PWP1: variants seen among roughly 807,000 people sequenced by gnomAD.
The protein encoded by PWP1 is periodic tryptophan protein 1 homolog.
A neutral mutation model predicts 69.9 loss-of-function variants in PWP1; 47 were observed. That is an observed-to-expected ratio of 0.67 (90% CI 0.53 to 0.86). PWP1 has a LOEUF of 0.86. Ranked by LOEUF, PWP1 falls within the 40% of genes least tolerant of loss-of-function variation. PWP1 has a pLI of 0.00. For synonymous variants in PWP1, 222 were observed against 208.2 expected, an observed-to-expected ratio of 1.07 and a Z score of -0.57; for missense variants, 551 against 608.8, an observed-to-expected ratio of 0.91 and a Z score of 1.00.
intron 12 of PWP1, 37 bp from the exon 13 acceptor site, chr12:107,709,074 T>C: frequency 6.2e-7 from 1 of 1,613,756 alleles, no homozygotes; most frequent in East Asian, 2.2e-5. Flanking sequence ...TAAATCTGTA[T>C]TTCAAAGCGA....
intron 3 of PWP1, among the ~76,000 whole-genome samples, chr12:107,691,132 G>T (rs1324837121): frequency 6.6e-6 from 1 of 152,246 alleles, no homozygotes; most frequent in African/African-American, 2.4e-5. Flanking sequence ...ACTGAGCCAA[G>T]TAAGAGGAAG....
chr12:107,706,173 TC>T (rs1480336910), intron 11 of PWP1, among the ~76,000 whole-genome samples: 1 of 152,264 alleles, frequency 6.6e-6, no homozygotes, highest in African/African-American at 2.4e-5. Context: ...TTTTCATGTG[TC>T]TGTTGGCTGC....
chr12:107,693,937 A>C (rs541015308), intron 5 of PWP1, among the ~76,000 whole-genome samples: 7 of 152,158 alleles, frequency 4.6e-5, no homozygotes, highest in Non-Finnish European at 1.0e-4. Flanking sequence ...ATTCAACACA[A>C]AGGGCCACGT....
Position 107,709,128 on chromosome 12 carries a change from C to A in PWP1, c.1186C>A (p.Gln396Lys). 1 of 1,613,850 alleles carries A rather than the reference C, an allele frequency of 6.2e-7. No individual in the cohort carries two copies. Among genetic ancestry groups the A allele is most frequent in the South Asian group, 1.1e-5 (1 of 91,044 alleles). Residue 396 changes from glutamine (Q) to lysine (K), a missense_variant, in exon 13 of 15, where the codon CAA becomes AAA. By Grantham distance (53) the Gln-to-Lys change is moderately conservative. Coordinates refer to ENST00000412830, the MANE Select transcript of PWP1 (RefSeq NM_007062.3). ...TCCTTTAGGTCTTGATCTTAGCAGTCAAATCAAGGGCTGTCTCGTGACTGC... is the reference window on the plus strand; with the variant it reads ...TCCTTTAGGTCTTGATCTTAGCAGTAAAATCAAGGGCTGTCTCGTGACTGC... The part of the protein sequence containing the change: ...DEISGLDLSS[Q>K]IKGCLVTASA...
At chr12:107,687,893 T>G (rs1294483723) in intron 1 of PWP1, among the ~76,000 whole-genome samples, 2 of 151,014 alleles carry the variant, frequency 1.3e-5, no homozygotes, top group African/African-American at 4.9e-5. Flanking sequence ...TAGCTGGGCG[T>G]GGTGGCGCGT....
rs764511041 is a variant in PWP1, at chr12:107,685,871, T to G, written c.-29T>G. 6.2e-7 allele frequency: 1 copy of G among 1,613,148 alleles called. No individual in the cohort carries two copies. Among genetic ancestry groups the G allele is most frequent in the Non-Finnish European group, 8.5e-7 (1 of 1,179,474 alleles). ...GTCCCTCCCTATGCAGCCTGGTTTCTAGCGTGACACGCCCTTGACTTGAGG... is the reference window on the plus strand; with the variant it reads ...GTCCCTCCCTATGCAGCCTGGTTTCGAGCGTGACACGCCCTTGACTTGAGG... On this transcript the variant is annotated 5_prime_UTR_variant, in exon 1 of 15. The change abolishes the stop of an existing upstream ORF in the 5' untranslated region. Coordinates refer to ENST00000412830, the MANE Select transcript of PWP1 (RefSeq NM_007062.3).
At chr12:107,709,455 C>T (rs1426175042) in intron 13 of PWP1, among the ~76,000 whole-genome samples, 1 of 150,570 alleles carries the variant, frequency 6.6e-6, no homozygotes, top group Non-Finnish European at 1.5e-5. Context: ...ACATGATTAA[C>T]AGTTGCTTGG....
In PWP1 at chr12:107,685,974, G is replaced by A; in HGVS notation, c.72+3G>A. On this transcript the variant is annotated splice_donor_region_variant and intron_variant, in intron 1 of 14. Coordinates refer to ENST00000412830, the MANE Select transcript of PWP1 (RefSeq NM_007062.3). The stretch of plus-strand genomic sequence containing the variant: ...TGGCCAAAGAGACACCAGACAAGGT[G>A]AGGCCTGGTCGCTGGGAGACAAGGG... 2 of 1,613,854 alleles carry A rather than the reference G, an allele frequency of 1.2e-6. No homozygotes were observed. Among genetic ancestry groups the A allele is most frequent in the Non-Finnish European group, 1.7e-6 (2 of 1,179,896 alleles).
At chr12:107,686,086 G>A in intron 1 of PWP1, 115 bp downstream of exon 1, 1 of 1,137,806 alleles carries the variant, frequency 8.8e-7, no homozygotes, top group African/African-American at 1.5e-5. Flanking sequence ...CGACTGGCTG[G>A]GGTGAGGGCG....
chr12:107,708,349 G>A (rs554002963), intron 11 of PWP1, among the ~76,000 whole-genome samples: 60 of 152,128 alleles, frequency 3.9e-4, no homozygotes, highest in Admixed American at 9.2e-4. Context: ...TGTACTGGCT[G>A]TTGCCCTTGG....
At chr12:107,707,031 A>G (rs1372080616) in intron 11 of PWP1, among the ~76,000 whole-genome samples, 4 of 152,116 alleles carry the variant, frequency 2.6e-5, no homozygotes, top group Non-Finnish European at 5.9e-5. Context: ...CCTATCCATG[A>G]GCATGGAATG....
Position 107,699,371 on chromosome 12 carries a change from A to G in PWP1, c.745-2A>G. The G allele has an allele frequency of 6.2e-7, 1 of 1,609,788 alleles. No homozygotes were observed. Among genetic ancestry groups the G allele is most frequent in the Non-Finnish European group, 8.5e-7 (1 of 1,176,844 alleles). On this transcript the variant is annotated splice_acceptor_variant, in intron 7 of 14. Transcript: ENST00000412830. LOFTEE classifies it high-confidence loss of function. ...AAAAAATAATTAAAACAATTATTAC[A>G]GAGTTCCTCAGCAGAAGGGCATACC...
intron 5 of PWP1, among the ~76,000 whole-genome samples, chr12:107,694,425 C>T (rs1268378102): frequency 6.6e-6 from 1 of 152,194 alleles, no homozygotes; most frequent in Non-Finnish European, 1.5e-5. Flanking sequence ...TTCTAGGTTG[C>T]TTCATCATGG....
intron 11 of PWP1, 123 bp from the exon 12 acceptor site, chr12:107,708,803 T>G: frequency 1.0e-5 from 9 of 864,010 alleles, no homozygotes. Context: ...TTTCTGTCCA[T>G]GTTAATTTTT....
rs373155062 is a variant in PWP1, at chr12:107,704,757, C to T, written c.1077+10C>T. ...ACCTTGTCATTTCTTGGTAAGAGTACGAATGTTGTTGTTTTGCTTTTCTAG... is the reference window on the plus strand; with the variant it reads ...ACCTTGTCATTTCTTGGTAAGAGTATGAATGTTGTTGTTTTGCTTTTCTAG... On this transcript the variant is annotated intron_variant, in intron 11 of 14. Transcript: ENST00000412830. The T allele has an allele frequency of 4.1e-5, 65 of 1,604,482 alleles. No homozygotes were observed. The highest frequency in any genetic ancestry group is 6.7e-5 in the Admixed American group (4 of 59,882).
rs1566081791 is a variant in PWP1, at chr12:107,704,760, A to T, written c.1077+13A>T. 2.5e-6 allele frequency: 4 copies of T among 1,604,270 alleles called. No homozygotes were observed. Among genetic ancestry groups the T allele is most frequent in the Non-Finnish European group, 3.4e-6 (4 of 1,171,348 alleles). The stretch of plus-strand genomic sequence containing the variant: ...TTGTCATTTCTTGGTAAGAGTACGA[A>T]TGTTGTTGTTTTGCTTTTCTAGGTT... On this transcript the variant is annotated intron_variant, in intron 11 of 14. Coordinates refer to ENST00000412830, the MANE Select transcript of PWP1 (RefSeq NM_007062.3).
intron 14 of PWP1, 70 bp from the exon 15 acceptor site, chr12:107,712,041 T>G: frequency 7.7e-7 from 1 of 1,299,376 alleles, no homozygotes; most frequent in Non-Finnish European, 1.1e-6. Flanking sequence ...ATTCTGCATT[T>G]TAGTGTCTTT....
intron 11 of PWP1, among the ~76,000 whole-genome samples, chr12:107,706,140 G>A (rs1284893078): frequency 1.3e-5 from 2 of 152,212 alleles, no homozygotes; most frequent in African/African-American, 4.8e-5. Context: ...GCATTTCTCT[G>A]ATGGCCAGTG....
At chr12:107,712,078 T>C in intron 14 of PWP1, 33 bp from the exon 15 acceptor site, 1 of 1,534,750 alleles carries the variant, frequency 6.5e-7, no homozygotes, top group South Asian at 1.1e-5. Context: ...TTTCCTGATC[T>C]GTTAGTTTCT....
Sources: gnomAD v4.1 joint callset for allele counts (sites outside exome capture counted in the v4.1 genomes callset) on GRCh38, gnomAD v4.1.1 for gene constraint, MANE v1.5 for transcripts, NCBI Gene and HGNC (gene_info 2026-07-23, HGNC 2026-07-21) for gene names.